DKK2: variants seen among roughly 807,000 people sequenced by gnomAD.
The protein encoded by DKK2 is dickkopf-related protein 2.
In DKK2, 11 loss-of-function variants were observed where a neutral mutation model predicts 28.1. The observed-to-expected ratio is 0.39, with a 90% CI of 0.25 to 0.65. The LOEUF is 0.65. Ranked by LOEUF, DKK2 falls within the 30% of genes least tolerant of loss-of-function variation. The probability of loss-of-function intolerance (pLI) is 0.47; values close to 1 mark genes in which losing one functional copy is unlikely to be tolerated. For synonymous variants in DKK2, 135 were observed against 126.5 expected (o/e 1.07, Z -0.45); for missense variants, 326 against 335.5 (o/e 0.97, Z 0.22).
intron 1 of DKK2, among the ~76,000 whole-genome samples, chr4:106,954,685 C>A (rs1233089854): frequency 2.0e-5 from 3 of 152,020 alleles, no homozygotes; most frequent in Non-Finnish European, 4.4e-5. Flanking sequence ...CCACGCCTGG[C>A]TATTTTTTTG....
At chr4:107,006,149 G>A (rs1454899071) in intron 1 of DKK2, among the ~76,000 whole-genome samples, 1 of 152,178 alleles carries the variant, frequency 6.6e-6, no homozygotes, top group Non-Finnish European at 1.5e-5. Flanking sequence ...TGTAGCAAAT[G>A]AGCTAGAAGG....
rs572655682 is a variant in DKK2 at position 107,019,549 on chromosome 4, T to C, written c.222+15821A>G. ...TCACTATCTTCCAGAAACAAGAATG[T>C]ATTTCTCAAATATCTAGTCACATTA... On this transcript the variant is annotated intron_variant, in intron 1 of 3. Transcript: ENST00000285311. 5.3e-5 allele frequency among the ~76,000 whole-genome samples: 8 copies of C among 152,190 alleles called. No individual in the cohort carries two copies. In the South Asian group the frequency reaches 8.3e-4, roughly 16 times the overall value.
At chr4:106,956,538 T>A (rs1446760320) in intron 1 of DKK2, among the ~76,000 whole-genome samples, 1 of 152,228 alleles carries the variant, frequency 6.6e-6, no homozygotes, top group Non-Finnish European at 1.5e-5. Context: ...AGCATGGTAT[T>A]GTTACCAAAA....
At chr4:106,989,820 T>C (rs987036362) in intron 1 of DKK2, among the ~76,000 whole-genome samples, 1 of 152,188 alleles carries the variant, frequency 6.6e-6, no homozygotes, top group African/African-American at 2.4e-5. Context: ...GAGAGTATAA[T>C]AATGGTGAAA....
chr4:106,954,475 A>G (rs1722557020), intron 1 of DKK2, among the ~76,000 whole-genome samples: 1 of 152,146 alleles, frequency 6.6e-6, no homozygotes. Flanking sequence ...GTACAACTCC[A>G]TTATTTTAAA....
intron 1 of DKK2, among the ~76,000 whole-genome samples, chr4:106,992,233 A>G (rs1195729055): frequency 6.6e-6 from 1 of 152,198 alleles, no homozygotes; most frequent in Admixed American, 6.5e-5. Context: ...GATGGAGTAG[A>G]AATGCTAAAG....
At chr4:106,971,284 G>C (rs1362152773) in intron 1 of DKK2, among the ~76,000 whole-genome samples, 1 of 151,982 alleles carries the variant, frequency 6.6e-6, no homozygotes, top group Non-Finnish European at 1.5e-5. Context: ...GGATTTTTCT[G>C]TCTTAAAAGG....
At chr4:106,995,997 T>A (rs79891725) in intron 1 of DKK2, among the ~76,000 whole-genome samples, 36 of 152,326 alleles carry the variant, frequency 2.4e-4, no homozygotes, top group African/African-American at 8.7e-4. Flanking sequence ...ACCAGCTATT[T>A]GAATATTTGT....
intron 1 of DKK2, among the ~76,000 whole-genome samples, chr4:107,015,234 C>T (rs1723577745): frequency 6.6e-6 from 1 of 151,490 alleles, no homozygotes; most frequent in Non-Finnish European, 1.5e-5. Flanking sequence ...TGTTAATATT[C>T]TAAAGTTTTG....
chr4:106,944,277 T>C (rs922308434), intron 1 of DKK2, among the ~76,000 whole-genome samples: 1 of 152,082 alleles, frequency 6.6e-6, no homozygotes, highest in African/African-American at 2.4e-5. Context: ...TTTATGATCC[T>C]AAACAAATTG....
At chr4:107,002,929 C>G (rs758298609) in intron 1 of DKK2, among the ~76,000 whole-genome samples, 1 of 152,064 alleles carries the variant, frequency 6.6e-6, no homozygotes, top group Non-Finnish European at 1.5e-5. Context: ...AATTAGATAA[C>G]ATAAAAAATC....
chr4:106,934,492 C>G (rs565218573), intron 1 of DKK2, among the ~76,000 whole-genome samples: 1 of 152,196 alleles, frequency 6.6e-6, no homozygotes, highest in South Asian at 2.1e-4. Flanking sequence ...ATTAGACTAC[C>G]AATGTAACAT....
chr4:106,991,553 A>C (rs994569132), intron 1 of DKK2, among the ~76,000 whole-genome samples: 3 of 152,190 alleles, frequency 2.0e-5, no homozygotes, highest in Admixed American at 6.5e-5. Context: ...TGAGAACTTC[A>C]TAACTTGAAT....
intron 1 of DKK2, among the ~76,000 whole-genome samples, chr4:107,033,453 C>G (rs972242609): frequency 6.6e-5 from 10 of 152,120 alleles, no homozygotes; most frequent in Non-Finnish European, 1.0e-4. Flanking sequence ...TATACAGATA[C>G]AGTATTAAAA....
At chr4:106,952,002 AAAC>A (rs1724867291) in intron 1 of DKK2, among the ~76,000 whole-genome samples, 1 of 152,166 alleles carries the variant, frequency 6.6e-6, no homozygotes. Context: ...GGTATTGACT[AAAC>A]AACAACAAAA....
intron 1 of DKK2, among the ~76,000 whole-genome samples, chr4:106,981,323 C>G (rs1397410680): frequency 6.6e-6 from 1 of 152,048 alleles, no homozygotes; most frequent in Non-Finnish European, 1.5e-5. Flanking sequence ...AAAGATTTTT[C>G]TTAGAAAGCA....
chr4:106,973,540 G>A (rs1722900037), intron 1 of DKK2, among the ~76,000 whole-genome samples: 1 of 152,144 alleles, frequency 6.6e-6, no homozygotes, highest in Non-Finnish European at 1.5e-5. Flanking sequence ...CTTCTTTTGA[G>A]AAGTGTCTCT....
intron 1 of DKK2, among the ~76,000 whole-genome samples, chr4:106,995,944 C>T (rs901590184): frequency 3.9e-5 from 6 of 152,270 alleles, no homozygotes; most frequent in Non-Finnish European, 8.8e-5. Context: ...ACTCTTTCTC[C>T]ATGGGCACTC....
intron 1 of DKK2, among the ~76,000 whole-genome samples, chr4:106,954,160 G>T (rs936047362): frequency 6.6e-6 from 1 of 152,176 alleles, no homozygotes; most frequent in African/African-American, 2.4e-5. Context: ...AGGATGGAAA[G>T]TTGTCTCCTC....
Sources: allele counts gnomAD v4.1 joint callset (sites outside exome capture counted in the v4.1 genomes callset), GRCh38; gene constraint gnomAD v4.1.1; transcripts MANE v1.5; gene names NCBI Gene and HGNC (gene_info 2026-07-23, HGNC 2026-07-21).